KLF16: variants seen among roughly 807,000 people sequenced by gnomAD.
KLF16 encodes the protein KLF transcription factor 16.
KLF16 carries 6 observed loss-of-function variants against 6.1 expected under a neutral mutation model. That is an observed-to-expected ratio of 0.98 (90% CI 0.54 to 1.93). The LOEUF (loss-of-function observed/expected upper bound fraction) is 1.93. Among genes scored for constraint, KLF16 ranks in the 30% most tolerant of loss-of-function variants. The pLI is 0.01. For synonymous variants in KLF16, 211 were observed against 176.5 expected, an observed-to-expected ratio of 1.20 and a Z score of -1.55; for missense variants, 355 against 363.8, an observed-to-expected ratio of 0.98 and a Z score of 0.20.
chr19:1,868,777 C>T, the KLF16 span, among the ~76,000 whole-genome samples: 7 of 151,954 alleles, frequency 4.6e-5, no homozygotes, highest in African/African-American at 1.2e-4. Flanking sequence ...CGAGTAGCCG[C>T]GATTACAGGC....
intron 1 of KLF16, among the ~76,000 whole-genome samples, chr19:1,855,940 T>G (rs2011940656): frequency 6.6e-6 from 1 of 152,202 alleles, no homozygotes. Flanking sequence ...GTGGCACTGG[T>G]TGGAGCCCTG....
At position 1,863,356 on chromosome 19, in the gene KLF16, G is replaced by A. The variant is rs1470338328; in HGVS notation, c.142C>T (p.Arg48Cys). 4.1e-6 allele frequency: 4 copies of A among 980,416 alleles called. No individual in the cohort carries two copies. The highest frequency in any genetic ancestry group is 2.4e-6 in the Non-Finnish European group (2 of 828,312). The allele number at this position is 980,416 out of a possible 1,614,324, so 60.7% of individuals were successfully genotyped here. ...AAGLDVRAAR[R>C]EAASPGTPGP... ...GGGGTCCCGGGTGAGGCGGCCTCGCGGCGCGCCGCGCGCACATCCAGGCCG... is the reference window on the plus strand; with the variant it reads ...GGGGTCCCGGGTGAGGCGGCCTCGCAGCGCGCCGCGCGCACATCCAGGCCG... Residue 48 changes from arginine to cysteine, a missense_variant, in exon 1 of 2, where the codon CGC becomes TGC. Coordinates refer to ENST00000250916, the MANE Select transcript of KLF16 (RefSeq NM_031918.4).
chr19:1,868,630 C>G, the KLF16 span, among the ~76,000 whole-genome samples: 1 of 150,610 alleles, frequency 6.6e-6, no homozygotes, highest in Non-Finnish European at 1.5e-5. Context: ...AGGTGCCCAC[C>G]ACCACACCGG....
Position 1,863,399 on chromosome 19 carries a change from C to G in KLF16, c.99G>C (p.Glu33Asp), listed in dbSNP as rs2012114428. The part of the protein sequence containing the change: ...AVVHRGRPGP[E>D]GAGPAAGLDV... ...CCAGGCCGGCGGCGGGGCCCGCGCC[C>G]TCGGGGCCGGGCCGCCCGCGGTGCA... Residue 33 changes from glutamate to aspartate, a missense_variant, in exon 1 of 2, where the codon GAG (glutamate) becomes GAC (aspartate). Glu to Asp is a conservative substitution (Grantham distance 45). Coordinates refer to ENST00000250916, the MANE Select transcript of KLF16 (RefSeq NM_031918.4). 1 of 988,120 alleles carries G rather than the reference C, an allele frequency of 1.0e-6. No individual in the cohort carries two copies. Among genetic ancestry groups the G allele is most frequent in the East Asian group, 1.1e-4 (1 of 8,874 alleles). The allele number at this position is 988,120 out of a possible 1,614,324, so 61.2% of individuals were successfully genotyped here.
chr19:1,854,117 AC>A lies in KLF16; in HGVS notation c.*341del, dbSNP rs945758801. On this transcript the variant is annotated 3_prime_UTR_variant, in exon 2 of 2. Transcript: ENST00000250916. The stretch of plus-strand genomic sequence containing the variant: ...GGGCCGGCTCCCAGAAGTCCACTCC[AC>A]CCCCCCAAACCCCACCCCGGGAGGG... 6.6e-5 allele frequency: 17 copies of A among 257,808 alleles called. No individual in the cohort carries two copies. Among genetic ancestry groups the A allele is most frequent in the Non-Finnish European group, 9.4e-5 (13 of 138,564 alleles). 16.0% of individuals were successfully genotyped at this position (257,808 alleles called of 1,614,324 possible).
upstream of KLF16, among the ~76,000 whole-genome samples, chr19:1,865,260 A>G (rs2012169092): frequency 6.6e-6 from 1 of 152,016 alleles, no homozygotes; most frequent in African/African-American, 2.4e-5. Context: ...CCCTCTCTGC[A>G]CCCCTACCAT....
the KLF16 span, among the ~76,000 whole-genome samples, chr19:1,871,940 G>T: frequency 2.0e-5 from 3 of 152,112 alleles, no homozygotes; most frequent in Admixed American, 1.3e-4. Flanking sequence ...CCTTTCCCGT[G>T]CGAATCCCCC....
chr19:1,852,995 A>G lies in KLF16; in HGVS notation c.*1464T>C, dbSNP rs2011866302. 1 of 152,268 alleles carries G rather than the reference A, an allele frequency of 6.6e-6. No individual in the cohort carries two copies. Among genetic ancestry groups the G allele is most frequent in the Non-Finnish European group, 1.5e-5 (1 of 68,120 alleles). 9.4% of individuals were successfully genotyped at this position (152,268 alleles called of 1,614,324 possible). A position where few individuals can be genotyped will look rare whatever the true frequency, so the allele number is the denominator to read the frequency against. ...GGTTCTGGAACAAAAGGGGGTACCA[A>G]AAACCTCCTGCAGCCAACAGTGGGG... On this transcript the variant is annotated 3_prime_UTR_variant, in exon 2 of 2. Coordinates refer to ENST00000250916, the MANE Select transcript of KLF16 (RefSeq NM_031918.4).
At position 1,857,967 on chromosome 19, in the gene KLF16, C is replaced by T. The variant is rs2011988706; in HGVS notation, c.458-3207G>A. Among the ~76,000 whole-genome samples, 1 of 151,996 alleles carries T rather than the reference C, an allele frequency of 6.6e-6. No individual in the cohort carries two copies. The highest frequency in any genetic ancestry group is 2.4e-5 in the African/African-American group (1 of 41,362). On this transcript the variant is annotated intron_variant, in intron 1 of 1. Coordinates refer to ENST00000250916, the MANE Select transcript of KLF16 (RefSeq NM_031918.4). This position sits in a 1 kb window ranked among gnomAD's most constrained non-coding sequence, Gnocchi z 4.7. ...GGCCCTGCCAGCCTGGGGGTGGGGT[C>T]TCGAATACTACTGGGCCATAGCAAC...
In KLF16 at chr19:1,854,505, C is replaced by T; in HGVS notation, c.713G>A (p.Ser238Asn). The T allele has an allele frequency of 6.8e-7, 1 of 1,472,848 alleles. No individual in the cohort carries two copies. Among genetic ancestry groups the T allele is most frequent in the Non-Finnish European group, 8.9e-7 (1 of 1,122,600 alleles). The allele number at this position is 1,472,848 out of a possible 1,614,324, so 91.2% of individuals were successfully genotyped here. Reference sequence around the variant, plus strand: ...GCTGGGCGCGGGGCTGGGCGCAGGGCTCCCGGCCAGGCTGCAGGGCAGCGA... The same window carrying T: ...GCTGGGCGCGGGGCTGGGCGCAGGGTTCCCGGCCAGGCTGCAGGGCAGCGA... ...SDSLPCSLAG[S>N]PAPSPAPSPA... Residue 238 changes from serine to asparagine, a missense_variant, in exon 2 of 2, where the codon AGC becomes AAC. Coordinates refer to ENST00000250916, the MANE Select transcript of KLF16 (RefSeq NM_031918.4).
intron 1 of KLF16, chr19:1,862,715 A>ACC: frequency 1.3e-5 from 4 of 301,774 alleles, no homozygotes; most frequent in Non-Finnish European, 1.8e-5. Context: ...CAGAACGCAA[A>ACC]AGAAAAAAAA....
the KLF16 span, chr19:1,875,125 C>T: frequency 3.0e-4 from 45 of 152,306 alleles, no homozygotes; most frequent in African/African-American, 1.1e-3. Flanking sequence ...TTTGGTACCA[C>T]CCCTTTAGGG....
At chr19:1,862,461 C>T (rs978623658) in intron 1 of KLF16, among the ~76,000 whole-genome samples, 1 of 152,088 alleles carries the variant, frequency 6.6e-6, no homozygotes, top group African/African-American at 2.4e-5. Context: ...CCAACCCGCG[C>T]TCCTAGCCTC....
At position 1,853,436 on chromosome 19, in the gene KLF16, G is replaced by A. The variant is rs1414012182; in HGVS notation, c.*1023C>T. On this transcript the variant is annotated 3_prime_UTR_variant, in exon 2 of 2. Transcript: ENST00000250916. ...GGGGAGGCCAGGGAAGCAGGGCCGG[G>A]CCAGGCTGCAGCCCAGGCCCGGAAG... 6.5e-6 allele frequency: 1 copy of A among 152,870 alleles called. No homozygotes were observed. The highest frequency in any genetic ancestry group is 1.5e-5 in the Non-Finnish European group (1 of 68,160). 9.5% of individuals were successfully genotyped at this position (152,870 alleles called of 1,614,324 possible).
intron 1 of KLF16, among the ~76,000 whole-genome samples, chr19:1,859,514 G>T (rs944698144): frequency 6.6e-6 from 1 of 151,850 alleles, no homozygotes; most frequent in Non-Finnish European, 1.5e-5. Context: ...CCCCACCCTC[G>T]GGATTAAGTG....
the KLF16 span, among the ~76,000 whole-genome samples, chr19:1,873,274 G>C: frequency 1.3e-5 from 2 of 152,180 alleles, no homozygotes; most frequent in Admixed American, 6.5e-5. Flanking sequence ...AATGCCAGTC[G>C]GGGCTGACAG....
intron 1 of KLF16, among the ~76,000 whole-genome samples, chr19:1,858,060 C>A (rs981001760): frequency 6.6e-6 from 1 of 152,076 alleles, no homozygotes; most frequent in African/African-American, 2.4e-5. Context: ...TCCCCCATCC[C>A]CACTCCTCCA....
At chr19:1,866,681 T>G (rs1373872525), upstream of KLF16, among the ~76,000 whole-genome samples, 4 of 139,318 alleles carry the variant, frequency 2.9e-5, no homozygotes, top group African/African-American at 1.1e-4. Context: ...GAGGCTAAGG[T>G]GGAAGGGTCG....
chr19:1,862,412 C>T (rs1326450516), intron 1 of KLF16, among the ~76,000 whole-genome samples: 1 of 152,138 alleles, frequency 6.6e-6, no homozygotes, highest in African/African-American at 2.4e-5. Context: ...CCTCGAGGGT[C>T]CTCCAATACT....
Sources: gnomAD v4.1 joint callset for allele counts (sites outside exome capture counted in the v4.1 genomes callset) on GRCh38, gnomAD v4.1.1 for gene constraint, Gnocchi (gnomAD v3.1) non-coding constraint, MANE v1.5 for transcripts, NCBI Gene and HGNC (gene_info 2026-07-23, HGNC 2026-07-21) for gene names.